The following SGCZ variants were observed in gnomAD, a reference collection of about 807,000 sequenced individuals.
SGCZ encodes the protein zeta-sarcoglycan.
A neutral mutation model predicts 41.3 loss-of-function variants in SGCZ; 40 were observed. The ratio of observed to expected loss-of-function variants is 0.97; its 90% CI spans 0.75 to 1.26. The LOEUF is 1.26. Among genes scored for constraint, SGCZ ranks in the 50% most tolerant of loss-of-function variants. The pLI is 0.00. For synonymous variants in SGCZ, 206 were observed against 137.5 expected (o/e 1.50, Z -3.49); for missense variants, 552 against 369.8 (o/e 1.49, Z -4.04).
chr8:14,807,727 C>G (rs1187836019), intron 1 of SGCZ, among the ~76,000 whole-genome samples: 2 of 151,790 alleles, frequency 1.3e-5, no homozygotes, highest in Non-Finnish European at 1.5e-5. Context: ...TTGGAAAAAA[C>G]TACTTTAAAG....
chr8:14,297,111 C>T (rs1459898926), intron 3 of SGCZ, among the ~76,000 whole-genome samples: 5 of 151,878 alleles, frequency 3.3e-5, no homozygotes, highest in African/African-American at 7.3e-5. Context: ...TTGGTAGAAA[C>T]GGGGTTTCGC....
intron 1 of SGCZ, among the ~76,000 whole-genome samples, chr8:15,142,235 G>A (rs982134205): frequency 2.0e-5 from 3 of 152,108 alleles, no homozygotes; most frequent in African/African-American, 7.2e-5. Context: ...GAGGGGTAGG[G>A]AAATAACCCT....
chr8:14,315,102 G>T (rs1413033178), intron 3 of SGCZ, among the ~76,000 whole-genome samples: 2 of 152,120 alleles, frequency 1.3e-5, no homozygotes, highest in African/African-American at 4.8e-5. Flanking sequence ...TATAGAGGAA[G>T]AAGTGACTTG....
At chr8:14,554,325 T>C (rs183628067) in intron 2 of SGCZ, among the ~76,000 whole-genome samples, 8 of 152,160 alleles carry the variant, frequency 5.3e-5, no homozygotes, top group Non-Finnish European at 1.0e-4. Flanking sequence ...AAGGTATATA[T>C]GTTATATGAA....
intron 2 of SGCZ, among the ~76,000 whole-genome samples, chr8:14,477,059 A>T (rs1036911821): frequency 3.9e-5 from 6 of 152,158 alleles, no homozygotes; most frequent in African/African-American, 1.4e-4. Flanking sequence ...CTAATTTTTG[A>T]TTTAATTAAA....
intron 1 of SGCZ, among the ~76,000 whole-genome samples, chr8:15,060,158 C>T (rs937609747): frequency 6.6e-6 from 1 of 152,088 alleles, no homozygotes; most frequent in African/African-American, 2.4e-5. Context: ...ACCCAGCCAT[C>T]CCATTACTGG....
chr8:14,788,525 T>A (rs1278460545), intron 1 of SGCZ, among the ~76,000 whole-genome samples: 4 of 152,336 alleles, frequency 2.6e-5, no homozygotes, highest in Non-Finnish European at 5.9e-5. Flanking sequence ...GTAGCTTAAC[T>A]TTTTAACTTC....
At chr8:14,846,042 C>T (rs1366093878) in intron 1 of SGCZ, among the ~76,000 whole-genome samples, 1 of 151,864 alleles carries the variant, frequency 6.6e-6, no homozygotes, top group East Asian at 1.9e-4. Flanking sequence ...ATACATGAAG[C>T]AAAAACAGAA....
chr8:14,771,134 T>C (rs1226506706), intron 1 of SGCZ, among the ~76,000 whole-genome samples: 2 of 152,020 alleles, frequency 1.3e-5, no homozygotes, highest in Non-Finnish European at 2.9e-5. Context: ...ATAAGGATCA[T>C]ACTAGAGTTT....
At position 14,293,945 on chromosome 8, in the gene SGCZ, G is replaced by A. The variant is rs1001294896; in HGVS notation, c.336+30158C>T. 9.9e-5 allele frequency among the ~76,000 whole-genome samples: 15 copies of A among 151,664 alleles called. No individual in the cohort carries two copies. The East Asian group carries it at 2.1e-3, about 22-fold the overall frequency. ...ATCAATTTTAGTGGTATCAAGTCAAGACATACATATCTCTAAAAACTGGAT... is the reference window on the plus strand; with the variant it reads ...ATCAATTTTAGTGGTATCAAGTCAAAACATACATATCTCTAAAAACTGGAT... On this transcript the variant is annotated intron_variant, in intron 3 of 7. Coordinates refer to ENST00000382080, the MANE Select transcript of SGCZ (RefSeq NM_139167.4).
At chr8:14,657,974 A>G (rs1807628651) in intron 1 of SGCZ, among the ~76,000 whole-genome samples, 1 of 152,206 alleles carries the variant, frequency 6.6e-6, no homozygotes. Flanking sequence ...ACACAAAGCC[A>G]ATGTCCCTGA....
At chr8:14,816,864 G>C (rs141797392) in intron 1 of SGCZ, among the ~76,000 whole-genome samples, 1 of 152,272 alleles carries the variant, frequency 6.6e-6, no homozygotes, top group Non-Finnish European at 1.5e-5. Flanking sequence ...AAAAGGCAAA[G>C]AGAATATGTT....
At chr8:14,704,868 A>T (rs1383771361) in intron 1 of SGCZ, among the ~76,000 whole-genome samples, 1 of 152,048 alleles carries the variant, frequency 6.6e-6, no homozygotes, top group African/African-American at 2.4e-5. Context: ...TATATTGGTA[A>T]GCAAGCCAAA....
intron 3 of SGCZ, among the ~76,000 whole-genome samples, chr8:14,256,138 A>G (rs879314927): frequency 2.0e-5 from 3 of 152,174 alleles, no homozygotes; most frequent in Non-Finnish European, 4.4e-5. Context: ...TGGCAGAAGC[A>G]TATGATATAT....
chr8:15,126,709 A>G (rs574714335), intron 1 of SGCZ, among the ~76,000 whole-genome samples: 10 of 152,300 alleles, frequency 6.6e-5, no homozygotes, highest in Admixed American at 5.2e-4. Flanking sequence ...AGGAAGAGTG[A>G]ACAGTGTGTA....
chr8:15,179,238 T>G (rs562934686), intron 1 of SGCZ, among the ~76,000 whole-genome samples: 55 of 152,312 alleles, frequency 3.6e-4, no homozygotes, highest in African/African-American at 1.1e-3. Flanking sequence ...TTAATCTCAG[T>G]AGATTTTTCT....
intron 5 of SGCZ, among the ~76,000 whole-genome samples, chr8:14,148,857 C>T (rs1248325799): frequency 6.6e-6 from 1 of 151,980 alleles, no homozygotes; most frequent in Non-Finnish European, 1.5e-5. Context: ...GTGGGTTTAC[C>T]TCTGGGATGC....
intron 2 of SGCZ, among the ~76,000 whole-genome samples, chr8:14,525,366 C>A (rs1256698970): frequency 1.3e-5 from 2 of 152,046 alleles, no homozygotes; most frequent in African/African-American, 2.4e-5. Context: ...GTTCTGTCTT[C>A]TAAGGAGATG....
At chr8:14,102,140 G>A (rs1019606950) in intron 7 of SGCZ, among the ~76,000 whole-genome samples, 22 of 147,336 alleles carry the variant, frequency 1.5e-4, no homozygotes, top group African/African-American at 4.5e-4. Context: ...GGGTTTCACC[G>A]TGTTAGCCAG....
Sources: gnomAD v4.1 joint callset for allele counts (sites outside exome capture counted in the v4.1 genomes callset) on GRCh38, gnomAD v4.1.1 for gene constraint, MANE v1.5 for transcripts, NCBI Gene and HGNC (gene_info 2026-07-23, HGNC 2026-07-21) for gene names.